The following BCAS1 variants were observed in gnomAD, a reference collection of about 807,000 sequenced individuals.
BCAS1 encodes brain enriched myelin associated protein 1, also known as breast carcinoma-amplified sequence 1.
BCAS1 carries 46 observed loss-of-function variants against 65.4 expected under a neutral mutation model. The observed-to-expected ratio is 0.70, with a 90% CI of 0.55 to 0.90. The LOEUF is 0.90. BCAS1 is among the 40% of genes least tolerant of loss of function. The pLI is 0.00. For missense variants in BCAS1, 793 were observed against 771.2 expected, an observed-to-expected ratio of 1.03 and a Z score of -0.33; for synonymous variants, 298 against 293.5, an observed-to-expected ratio of 1.02 and a Z score of -0.16.
At chr20:53,962,952 G>A (rs1392090372) in intron 10 of BCAS1, among the ~76,000 whole-genome samples, 2 of 151,952 alleles carry the variant, frequency 1.3e-5, no homozygotes, top group Non-Finnish European at 2.9e-5. Context: ...CCGGATTCAC[G>A]CCATTCTCCT....
At chr20:54,008,876 C>A (rs2091261812) in intron 4 of BCAS1, among the ~76,000 whole-genome samples, 1 of 151,560 alleles carries the variant, frequency 6.6e-6, no homozygotes. Flanking sequence ...CACAATGGCA[C>A]AATCTTGGCT....
chr20:53,972,552 T>C (rs1388679325), intron 9 of BCAS1, among the ~76,000 whole-genome samples: 2 of 152,248 alleles, frequency 1.3e-5, no homozygotes, highest in South Asian at 4.1e-4. Flanking sequence ...GTAAAGGAAT[T>C]AGCATGGCTG....
chr20:53,962,985 G>C (rs2089924987), intron 10 of BCAS1, among the ~76,000 whole-genome samples: 1 of 151,680 alleles, frequency 6.6e-6, no homozygotes, highest in African/African-American at 2.4e-5. Flanking sequence ...TGAGTAGCTG[G>C]GACTACAGGC....
chr20:53,993,672 G>A (rs1009848141), intron 6 of BCAS1, among the ~76,000 whole-genome samples: 9 of 152,156 alleles, frequency 5.9e-5, no homozygotes, highest in African/African-American at 1.9e-4. Context: ...AGCCTTTTAC[G>A]CTATGTGGCT....
At chr20:54,024,194 T>G (rs1273004453) in intron 4 of BCAS1, among the ~76,000 whole-genome samples, 3 of 152,226 alleles carry the variant, frequency 2.0e-5, no homozygotes, top group African/African-American at 7.2e-5. Flanking sequence ...AGAGGAAACC[T>G]AGGCTACTTG....
At chr20:53,969,834 T>G (rs1244319220) in intron 9 of BCAS1, among the ~76,000 whole-genome samples, 1 of 152,200 alleles carries the variant, frequency 6.6e-6, no homozygotes, top group African/African-American at 2.4e-5. Flanking sequence ...AATAAACATC[T>G]GTATTTTGAT....
chr20:54,049,978 A>T (rs1296463578), intron 3 of BCAS1, among the ~76,000 whole-genome samples: 1 of 152,152 alleles, frequency 6.6e-6, no homozygotes, highest in Admixed American at 6.5e-5. Flanking sequence ...CAGCACAAAT[A>T]TATTACAGTT....
chr20:53,953,087 T>A (rs1216365369), intron 12 of BCAS1, among the ~76,000 whole-genome samples: 1 of 152,220 alleles, frequency 6.6e-6, no homozygotes, highest in Admixed American at 6.5e-5. Context: ...ATGGTGATGA[T>A]GACGATTACT....
chr20:54,045,631 CAG>C (rs1233267196), intron 3 of BCAS1, among the ~76,000 whole-genome samples: 1 of 152,172 alleles, frequency 6.6e-6, no homozygotes, highest in Non-Finnish European at 1.5e-5. Context: ...TAAAGAAAAA[CAG>C]AACTTGAGCT....
chr20:53,990,001 G>A (rs2090713597), intron 7 of BCAS1, among the ~76,000 whole-genome samples: 1 of 152,318 alleles, frequency 6.6e-6, no homozygotes, highest in African/African-American at 2.4e-5. Flanking sequence ...TGAAATTCTA[G>A]TGGATTCAAT....
chr20:54,028,829 A>G lies in BCAS1; in HGVS notation c.286T>C (p.Phe96Leu). Residue 96 changes from phenylalanine to leucine, a missense_variant, in exon 4 of 13, where the codon TTC becomes CTC. Phe to Leu is a conservative substitution (Grantham distance 22, BLOSUM62 0). Transcript: ENST00000688948. Reference sequence around the variant, plus strand: ...GGTACAGGCCGAGAGAGCATCAAGAAAAAACGAGATTTAGCAGCTGGTGCC... The same window carrying G: ...GGTACAGGCCGAGAGAGCATCAAGAGAAAACGAGATTTAGCAGCTGGTGCC... ...PEAPAAKSRFFLMLSRPVPGR... is the reference protein window; with the variant it reads ...PEAPAAKSRFLLMLSRPVPGR... The G allele has an allele frequency of 6.2e-7, 1 of 1,614,026 alleles. No individual in the cohort carries two copies. Among genetic ancestry groups the G allele is most frequent in the Non-Finnish European group, 8.5e-7 (1 of 1,180,008 alleles).
At chr20:53,987,071 T>C (rs944986246) in intron 7 of BCAS1, among the ~76,000 whole-genome samples, 3 of 152,222 alleles carry the variant, frequency 2.0e-5, no homozygotes, top group African/African-American at 2.4e-5. Context: ...TTCTGGCTCC[T>C]TTCTAGAGCT....
chr20:53,996,489 GAAAA>G (rs2090918618), intron 4 of BCAS1, among the ~76,000 whole-genome samples: 1 of 136,554 alleles, frequency 7.3e-6, no homozygotes, highest in African/African-American at 2.7e-5. Context: ...AAAAGAAAAA[GAAAA>G]AGAAAAAGTA....
At position 54,031,616 on chromosome 20, in the gene BCAS1, C is replaced by A. The variant is rs552171520; in HGVS notation, c.143-2644G>T. Among the ~76,000 whole-genome samples the A allele has an allele frequency of 5.9e-5, 9 of 151,440 alleles. 1 individual carries two copies. The highest frequency in any genetic ancestry group is 1.9e-4 in the African/African-American group (8 of 41,454). On this transcript the variant is annotated intron_variant, in intron 3 of 12. Transcript: ENST00000688948. ...TAGGAGGTACACTTGAGAATCAGCA[C>A]AAATGAAAGTAGAACCTGGAAATCC...
Position 53,985,249 on chromosome 20 carries a change from G to A in BCAS1, c.1275+38C>T, listed in dbSNP as rs73140338. 18,062 of 1,592,952 alleles carry A rather than the reference G, an allele frequency of 0.011. 197 individuals carry two copies. Among genetic ancestry groups the A allele is most frequent in the Middle Eastern group, 0.043 (190 of 4,430 alleles). On this transcript the variant is annotated intron_variant, in intron 8 of 12. Coordinates refer to ENST00000688948, the MANE Select transcript of BCAS1 (RefSeq NM_001366298.2). ...AGAAATAAGTTCTGGAGTCATCCCCGCCCGGACGACTCTCTAACGCTTGAA... is the reference window on the plus strand; with the variant it reads ...AGAAATAAGTTCTGGAGTCATCCCCACCCGGACGACTCTCTAACGCTTGAA...
chr20:54,029,114 G>A (rs2091746362), intron 3 of BCAS1, 142 bp from the exon 4 acceptor site: 2 of 1,437,260 alleles, frequency 1.4e-6, no homozygotes, highest in Non-Finnish European at 1.8e-6. Context: ...AAAGGCAGAA[G>A]TTAGCTCTCT....
At chr20:54,002,353 C>G (rs1019966886) in intron 4 of BCAS1, among the ~76,000 whole-genome samples, 8 of 152,282 alleles carry the variant, frequency 5.3e-5, no homozygotes, top group African/African-American at 1.9e-4. Context: ...TGCCTGATAT[C>G]TTAAAACAGT....
chr20:54,025,647 T>TG (rs1568890639), intron 4 of BCAS1, among the ~76,000 whole-genome samples: 1 of 151,552 alleles, frequency 6.6e-6, no homozygotes, highest in African/African-American at 2.4e-5. Flanking sequence ...GCCATAAAAA[T>TG]GGGGGGAAGG....
intron 1 of BCAS1, among the ~76,000 whole-genome samples, chr20:54,067,275 C>T (rs1436058225): frequency 1.3e-5 from 2 of 152,148 alleles, no homozygotes; most frequent in African/African-American, 2.4e-5. Flanking sequence ...ACTTGGGAGG[C>T]TGAGGCAGGA....
Sources: gnomAD v4.1 joint callset for allele counts (sites outside exome capture counted in the v4.1 genomes callset) on GRCh38, gnomAD v4.1.1 for gene constraint, MANE v1.5 for transcripts, NCBI Gene and HGNC (gene_info 2026-07-23, HGNC 2026-07-21) for gene names.